GRM8: variants seen among roughly 807,000 people sequenced by gnomAD.
GRM8 encodes metabotropic glutamate receptor 8.
A neutral mutation model predicts 87.2 loss-of-function variants in GRM8; 47 were observed. The ratio of observed to expected loss-of-function variants is 0.54; its 90% CI spans 0.43 to 0.69. The LOEUF is 0.69. Ranked by LOEUF, GRM8 falls within the 30% of genes least tolerant of loss-of-function variation. The pLI, the probability that GRM8 is intolerant of heterozygous loss-of-function variation, is 0.00. For missense variants in GRM8, 1,019 were observed against 1,139.2 expected (o/e 0.89, Z 1.52); for synonymous variants, 396 against 404.5 (o/e 0.98, Z 0.25).
intron 9 of GRM8, among the ~76,000 whole-genome samples, chr7:126,468,401 C>T (rs1389815202): frequency 6.6e-6 from 1 of 152,014 alleles, no homozygotes; most frequent in Non-Finnish European, 1.5e-5. Flanking sequence ...TAATCATTTT[C>T]TCTCATTTGT....
At chr7:126,550,109 T>C (rs895798546) in intron 8 of GRM8, among the ~76,000 whole-genome samples, 1 of 150,368 alleles carries the variant, frequency 6.7e-6, no homozygotes, top group African/African-American at 2.5e-5. Context: ...ATGTTTTTTG[T>C]TTTTTTGTTT....
At position 126,963,104 on chromosome 7, in the gene GRM8, A is replaced by G. The variant is rs141566465; in HGVS notation, c.728-58421T>C. Among the ~76,000 whole-genome samples, 459 of 152,356 alleles carry G rather than the reference A, an allele frequency of 3.0e-3. 4 individuals carry two copies. The highest frequency in any genetic ancestry group is 4.8e-3 in the Non-Finnish European group (329 of 68,040). On this transcript the variant is annotated intron_variant, in intron 3 of 10. Coordinates refer to ENST00000339582, the MANE Select transcript of GRM8 (RefSeq NM_000845.3). ...GTTTGTTTGTTTTTCAAGACAGGAT[A>G]GACTCTAGTTTAGAAAAAAATATTT...
At chr7:126,563,985 G>A (rs1211789753) in intron 8 of GRM8, among the ~76,000 whole-genome samples, 2 of 152,170 alleles carry the variant, frequency 1.3e-5, no homozygotes, top group Non-Finnish European at 2.9e-5. Context: ...AGTTTCATCA[G>A]GTCCAAGGCA....
chr7:127,175,080 C>A (rs1421428542), intron 2 of GRM8, among the ~76,000 whole-genome samples: 2 of 152,032 alleles, frequency 1.3e-5, no homozygotes, highest in African/African-American at 4.8e-5. Flanking sequence ...TCCTTGACTC[C>A]ATCACTCATG....
intron 3 of GRM8, among the ~76,000 whole-genome samples, chr7:127,086,085 T>C (rs1823449352): frequency 3.3e-5 from 5 of 152,054 alleles, no homozygotes; most frequent in Admixed American, 3.3e-4. Context: ...AGCAAAGTTT[T>C]TGGTTTGTTT....
chr7:127,027,813 T>C (rs921427030), intron 3 of GRM8, among the ~76,000 whole-genome samples: 9 of 152,216 alleles, frequency 5.9e-5, no homozygotes, highest in African/African-American at 1.9e-4. Context: ...CCTAATTGAA[T>C]AGTCTTTATT....
At chr7:126,463,139 G>A (rs114997932) in intron 9 of GRM8, among the ~76,000 whole-genome samples, 2,574 of 151,616 alleles carry the variant, frequency 0.017, 96 homozygotes, top group African/African-American at 0.059. Context: ...CTTACCTCCT[G>A]TTGCTGATTC....
At chr7:126,730,692 TAAAC>T (rs1298672442) in intron 7 of GRM8, among the ~76,000 whole-genome samples, 6 of 152,066 alleles carry the variant, frequency 3.9e-5, no homozygotes, top group Non-Finnish European at 7.4e-5. Context: ...TATAGTGCGA[TAAAC>T]AAAACAGCAA....
At chr7:127,100,375 T>C (rs759898690) in intron 3 of GRM8, among the ~76,000 whole-genome samples, 1 of 152,148 alleles carries the variant, frequency 6.6e-6, no homozygotes, top group Admixed American at 6.5e-5. Context: ...ATTGAAGTCT[T>C]CTTCAAAGGA....
At chr7:126,834,153 T>C (rs141509309) in intron 6 of GRM8, among the ~76,000 whole-genome samples, 7 of 152,288 alleles carry the variant, frequency 4.6e-5, no homozygotes, top group Non-Finnish European at 8.8e-5. Context: ...GTAATATAGA[T>C]GTACTCAGTG....
chr7:126,446,099 C>T, intron 10 of GRM8, 27 bp downstream of exon 10: 1 of 1,612,218 alleles, frequency 6.2e-7, no homozygotes, highest in Non-Finnish European at 8.5e-7. Context: ...CCGCTCTTGA[C>T]CATCGGAAAC....
chr7:127,202,752 G>C (rs373615575), intron 2 of GRM8, among the ~76,000 whole-genome samples: 72 of 151,974 alleles, frequency 4.7e-4, no homozygotes, highest in African/African-American at 1.7e-3. Flanking sequence ...ACCACACAAG[G>C]AAAATATCCA....
intron 7 of GRM8, among the ~76,000 whole-genome samples, chr7:126,647,748 A>G (rs1268188265): frequency 1.3e-5 from 2 of 151,974 alleles, no homozygotes; most frequent in Non-Finnish European, 2.9e-5. Flanking sequence ...TTGTCCACTC[A>G]TTTCTCTCTG....
intron 6 of GRM8, among the ~76,000 whole-genome samples, chr7:126,783,179 C>A (rs1005387379): frequency 1.3e-5 from 2 of 152,130 alleles, no homozygotes; most frequent in African/African-American, 4.8e-5. Context: ...GTATTATTTT[C>A]TCCCCCAATG....
At chr7:127,128,641 CTACTT>C (rs1218703868) in intron 2 of GRM8, among the ~76,000 whole-genome samples, 6 of 152,142 alleles carry the variant, frequency 3.9e-5, no homozygotes, top group Admixed American at 6.5e-5. Flanking sequence ...ATCATTATCT[CTACTT>C]TATAGGTAAG....
At chr7:126,700,285 G>A (rs187718186) in intron 7 of GRM8, among the ~76,000 whole-genome samples, 32 of 152,070 alleles carry the variant, frequency 2.1e-4, no homozygotes, top group East Asian at 9.7e-4. Context: ...CATGTTGGAC[G>A]CAAAATATAT....
At chr7:127,210,987 C>T (rs1796180326) in intron 2 of GRM8, among the ~76,000 whole-genome samples, 1 of 152,130 alleles carries the variant, frequency 6.6e-6, no homozygotes, top group African/African-American at 2.4e-5. Context: ...ATGGTAGAAC[C>T]TTCTAGAACA....
At chr7:127,174,587 G>T (rs1793989941) in intron 2 of GRM8, among the ~76,000 whole-genome samples, 1 of 152,176 alleles carries the variant, frequency 6.6e-6, no homozygotes. Context: ...ACAATAGAAG[G>T]CTTTTAACTT....
intron 2 of GRM8, among the ~76,000 whole-genome samples, chr7:127,237,985 C>G (rs1437819007): frequency 6.6e-6 from 1 of 152,168 alleles, no homozygotes; most frequent in Non-Finnish European, 1.5e-5. Context: ...AAAATTTGAG[C>G]TCTTTATAAA....
Sources: gnomAD v4.1 joint callset for allele counts (sites outside exome capture counted in the v4.1 genomes callset) on GRCh38, gnomAD v4.1.1 for gene constraint, MANE v1.5 for transcripts, NCBI Gene and HGNC (gene_info 2026-07-23, HGNC 2026-07-21) for gene names.